Variants in SCAF8 observed in about 807,000 individuals in gnomAD.
The protein encoded by SCAF8 is SR-related and CTD-associated factor 8.
In SCAF8, 23 loss-of-function variants were observed where a neutral mutation model predicts 140.5. That is an observed-to-expected ratio of 0.16 (90% CI 0.12 to 0.23). The LOEUF is 0.23. Ranked by LOEUF, SCAF8 falls within the 10% of genes least tolerant of loss-of-function variation. The pLI is 1.00. For missense variants in SCAF8, 1,397 were observed against 1,555.7 expected (o/e 0.90, Z 1.72); for synonymous variants, 575 against 528.9 (o/e 1.09, Z -1.20).
In SCAF8 at chr6:154,733,464, G is replaced by C; in HGVS notation, c.-437G>C. Reference sequence around the variant, plus strand: ...TGCCAGCGCTTCCTCCTCTGTCTTCGCCGAGCGGGGCTGGTTCCTGCGGCC... The same window carrying C: ...TGCCAGCGCTTCCTCCTCTGTCTTCCCCGAGCGGGGCTGGTTCCTGCGGCC... On this transcript the variant is annotated 5_prime_UTR_variant, in exon 1 of 20. Transcript: ENST00000367178. The C allele has an allele frequency of 1.2e-5, 17 of 1,368,100 alleles. No individual in the cohort carries two copies. Among genetic ancestry groups the C allele is most frequent in the Non-Finnish European group, 1.5e-5 (16 of 1,062,938 alleles). 84.7% of individuals were successfully genotyped at this position (1,368,100 alleles called of 1,614,324 possible).
At chr6:154,805,281 G>C in intron 8 of SCAF8, 88 bp from the exon 9 acceptor site, 1 of 711,396 alleles carries the variant, frequency 1.4e-6, no homozygotes, top group Non-Finnish European at 2.4e-6. Flanking sequence ...TTATTGAATT[G>C]ACTTTTTTGT....
intron 1 of SCAF8, among the ~76,000 whole-genome samples, chr6:154,752,693 C>G (rs995324464): frequency 6.6e-6 from 1 of 152,112 alleles, no homozygotes; most frequent in Non-Finnish European, 1.5e-5. Flanking sequence ...AAACAGCAGA[C>G]AGTTATAAAA....
At chr6:154,764,032 T>A (rs1029125757) in intron 1 of SCAF8, among the ~76,000 whole-genome samples, 2 of 152,190 alleles carry the variant, frequency 1.3e-5, no homozygotes, top group African/African-American at 4.8e-5. Context: ...AGTTTTGTGA[T>A]GGAGTAGCCA....
intron 3 of SCAF8, 116 bp downstream of exon 3, chr6:154,778,161 C>T (rs1776970073): frequency 1.7e-6 from 1 of 581,880 alleles, no homozygotes. Flanking sequence ...AAAAGTGATT[C>T]CAGTTATTTT....
intron 14 of SCAF8, among the ~76,000 whole-genome samples, chr6:154,819,588 C>T (rs1254686347): frequency 5.3e-5 from 8 of 151,898 alleles, no homozygotes; most frequent in African/African-American, 1.7e-4. Flanking sequence ...GAGACCCTGT[C>T]TCAAAAAGTG....
intron 1 of SCAF8, among the ~76,000 whole-genome samples, chr6:154,744,214 C>T (rs1258104770): frequency 2.0e-5 from 3 of 152,052 alleles, no homozygotes; most frequent in Non-Finnish European, 4.4e-5. Flanking sequence ...ATCGCTTGAA[C>T]CGGGGAGGGA....
At chr6:154,746,400 A>G (rs1778699868) in intron 1 of SCAF8, among the ~76,000 whole-genome samples, 1 of 152,198 alleles carries the variant, frequency 6.6e-6, no homozygotes, top group South Asian at 2.1e-4. Context: ...CAATAGATAG[A>G]ACTGTAAATT....
chr6:154,745,296 A>G (rs532675749), intron 1 of SCAF8, among the ~76,000 whole-genome samples: 60 of 152,300 alleles, frequency 3.9e-4, no homozygotes, highest in South Asian at 2.7e-3. Context: ...CAGGAGTAAT[A>G]TTGTATTCCT....
chr6:154,779,001 T>G (rs933879626), intron 3 of SCAF8, among the ~76,000 whole-genome samples: 1 of 152,156 alleles, frequency 6.6e-6, no homozygotes, highest in South Asian at 2.1e-4. Context: ...TTAAAAGTTT[T>G]AATGTCTGGT....
intron 3 of SCAF8, among the ~76,000 whole-genome samples, chr6:154,784,355 C>T (rs1225463981): frequency 2.0e-5 from 3 of 151,684 alleles, no homozygotes; most frequent in African/African-American, 4.8e-5. Context: ...TATTTTAGAT[C>T]AACACAAGTT....
At chr6:154,741,025 G>A (rs1298401415) in intron 1 of SCAF8, among the ~76,000 whole-genome samples, 1 of 152,204 alleles carries the variant, frequency 6.6e-6, no homozygotes, top group African/African-American at 2.4e-5. Flanking sequence ...TTGGGGAGGA[G>A]AGTTGGAGAG....
At chr6:154,757,169 A>G (rs371117497) in intron 1 of SCAF8, among the ~76,000 whole-genome samples, 46 of 152,144 alleles carry the variant, frequency 3.0e-4, no homozygotes, top group Middle Eastern at 3.4e-3. Flanking sequence ...GCTAATTTTT[A>G]TTTTTACTAG....
At chr6:154,735,937 C>T (rs899764940) in intron 1 of SCAF8, among the ~76,000 whole-genome samples, 8 of 151,788 alleles carry the variant, frequency 5.3e-5, no homozygotes, top group Non-Finnish European at 1.2e-4. Context: ...AGGGGTCCTC[C>T]TCTCACCTCA....
At chr6:154,818,766 T>C (rs1012586131) in intron 14 of SCAF8, among the ~76,000 whole-genome samples, 174 bp downstream of exon 14, 5 of 152,202 alleles carry the variant, frequency 3.3e-5, no homozygotes, top group East Asian at 1.9e-4. Context: ...CAGAAACTTA[T>C]TGTTTCAGTT....
At chr6:154,764,277 CTTT>C (rs61472336) in intron 1 of SCAF8, among the ~76,000 whole-genome samples, 3 of 141,748 alleles carry the variant, frequency 2.1e-5, no homozygotes, top group Admixed American at 7.0e-5. Context: ...ATTTTCTTTC[CTTT>C]TTTTTTTTTT....
chr6:154,806,918 A>G (rs571133396), intron 9 of SCAF8, among the ~76,000 whole-genome samples: 34 of 152,220 alleles, frequency 2.2e-4, no homozygotes, highest in Admixed American at 2.2e-3. Context: ...TTGTAACTCA[A>G]AACAAACAGC....
At chr6:154,740,880 A>G (rs1046964261) in intron 1 of SCAF8, among the ~76,000 whole-genome samples, 2 of 152,018 alleles carry the variant, frequency 1.3e-5, no homozygotes, top group Admixed American at 6.5e-5. Context: ...TGACCTCCCA[A>G]AGTGCTGGAA....
chr6:154,771,026 T>A (rs1776750522), intron 1 of SCAF8, among the ~76,000 whole-genome samples: 1 of 152,208 alleles, frequency 6.6e-6, no homozygotes, highest in Non-Finnish European at 1.5e-5. Context: ...ATTACAGGTG[T>A]GAGCCACTAT....
At chr6:154,770,290 C>CA (rs1434863397) in intron 1 of SCAF8, among the ~76,000 whole-genome samples, 5 of 151,298 alleles carry the variant, frequency 3.3e-5, no homozygotes, top group Non-Finnish European at 5.9e-5. Context: ...CCCGTCTTTA[C>CA]AAAAAAAGAA....
Sources: allele counts gnomAD v4.1 joint callset (sites outside exome capture counted in the v4.1 genomes callset), GRCh38; gene constraint gnomAD v4.1.1; transcripts MANE v1.5; gene names NCBI Gene and HGNC (gene_info 2026-07-23, HGNC 2026-07-21).